The following SH3RF3 variants were observed in gnomAD, a reference collection of about 807,000 sequenced individuals.
The protein encoded by SH3RF3 is SH3 domain containing ring finger 3.
A neutral mutation model predicts 66.3 loss-of-function variants in SH3RF3; 29 were observed. That is an observed-to-expected ratio of 0.44 (90% CI 0.33 to 0.60). The LOEUF (loss-of-function observed/expected upper bound fraction) is 0.60, where lower values mean the gene tolerates loss of function less well. Among genes scored for constraint, SH3RF3 ranks in the 20% least tolerant of loss-of-function variants. SH3RF3 has a pLI of 0.04. For missense variants in SH3RF3, 1,194 were observed against 1,190.9 expected (o/e 1.00, Z -0.04); for synonymous variants, 583 against 532.0 (o/e 1.10, Z -1.32).
At chr2:109,201,009 G>A (rs1331822184) in intron 1 of SH3RF3, among the ~76,000 whole-genome samples, 1 of 152,176 alleles carries the variant, frequency 6.6e-6, no homozygotes, top group African/African-American at 2.4e-5. Context: ...AGCAGCAGCA[G>A]CTAAGTGGCT....
At chr2:109,233,096 G>A (rs992298423) in intron 1 of SH3RF3, among the ~76,000 whole-genome samples, 1 of 152,200 alleles carries the variant, frequency 6.6e-6, no homozygotes, top group Non-Finnish European at 1.5e-5. Context: ...CAGCAGTGGC[G>A]AGGGGTGTGT....
chr2:109,435,183 G>A (rs368118197), intron 6 of SH3RF3, among the ~76,000 whole-genome samples: 10 of 152,184 alleles, frequency 6.6e-5, no homozygotes, highest in Admixed American at 2.6e-4. Flanking sequence ...CGCCCGGGTC[G>A]GCTGCCCCCA....
At chr2:109,366,570 T>G (rs1683155602) in intron 2 of SH3RF3, among the ~76,000 whole-genome samples, 2 of 152,200 alleles carry the variant, frequency 1.3e-5, no homozygotes, top group Non-Finnish European at 1.5e-5. Flanking sequence ...GCTTTATGGC[T>G]GGGCATGGTG....
At chr2:109,432,864 C>T (rs1030207723) in intron 6 of SH3RF3, among the ~76,000 whole-genome samples, 193 bp downstream of exon 6, 2 of 152,256 alleles carry the variant, frequency 1.3e-5, no homozygotes, top group Non-Finnish European at 2.9e-5. Flanking sequence ...GCACTCAACT[C>T]CTTGGCTGTC....
chr2:109,154,127 T>C (rs1394148227), intron 1 of SH3RF3, among the ~76,000 whole-genome samples: 1 of 152,172 alleles, frequency 6.6e-6, no homozygotes, highest in Non-Finnish European at 1.5e-5. Context: ...TGTTTAAAAC[T>C]GGTTTCTAGA....
chr2:109,232,479 G>T (rs779600736), intron 1 of SH3RF3, among the ~76,000 whole-genome samples: 1 of 152,156 alleles, frequency 6.6e-6, no homozygotes, highest in Non-Finnish European at 1.5e-5. Context: ...CACCTGTCCC[G>T]TAGGGTGCTT....
At chr2:109,281,075 A>G (rs919766093) in intron 1 of SH3RF3, among the ~76,000 whole-genome samples, 4 of 152,226 alleles carry the variant, frequency 2.6e-5, no homozygotes, top group Admixed American at 2.0e-4. Flanking sequence ...AGGGCCAGAG[A>G]GAGAGGACTG....
At chr2:109,168,315 T>G (rs1677678477) in intron 1 of SH3RF3, among the ~76,000 whole-genome samples, 1 of 152,174 alleles carries the variant, frequency 6.6e-6, no homozygotes, top group African/African-American at 2.4e-5. Flanking sequence ...TTCTGGTCAT[T>G]TGGTGAGTGA....
chr2:109,143,661 G>A (rs570715248), intron 1 of SH3RF3, among the ~76,000 whole-genome samples: 1 of 152,200 alleles, frequency 6.6e-6, no homozygotes, highest in Admixed American at 6.5e-5. Flanking sequence ...GGCTGAGGTA[G>A]GAGGATTTCT....
chr2:109,396,123 C>T (rs957166037), intron 3 of SH3RF3, among the ~76,000 whole-genome samples: 4 of 152,174 alleles, frequency 2.6e-5, no homozygotes, highest in South Asian at 2.1e-4. Flanking sequence ...GCTGTGTCTT[C>T]CTCTATACCC....
At chr2:109,437,750 G>A (rs939658965) in intron 7 of SH3RF3, among the ~76,000 whole-genome samples, 3 of 151,850 alleles carry the variant, frequency 2.0e-5, no homozygotes, top group Admixed American at 2.0e-4. Flanking sequence ...GCCCCAGGAT[G>A]TTGTGAGATG....
intron 1 of SH3RF3, among the ~76,000 whole-genome samples, chr2:109,272,465 G>C (rs966009525): frequency 6.6e-6 from 1 of 152,230 alleles, no homozygotes; most frequent in Non-Finnish European, 1.5e-5. Context: ...TGCTTTCCTG[G>C]TGTGTGGGAC....
chr2:109,335,111 C>T (rs1351492907), intron 1 of SH3RF3, among the ~76,000 whole-genome samples: 1 of 152,230 alleles, frequency 6.6e-6, no homozygotes, highest in East Asian at 1.9e-4. Context: ...CAAAACCGAA[C>T]ATTTCGTGTT....
At position 109,160,872 on chromosome 2, in the gene SH3RF3, G is replaced by T. The variant is rs79311422; in HGVS notation, c.573+30759G>T. On this transcript the variant is annotated intron_variant, in intron 1 of 9. Transcript: ENST00000309415. ...CAGGGCCAGGAGAGGCTGCAAGGCT[G>T]CAGGTGGGCCACTGTGGCAGGAGTT... 6.6e-3 allele frequency among the ~76,000 whole-genome samples: 1,004 copies of T among 152,294 alleles called. 10 individuals are homozygous for T. The highest frequency in any genetic ancestry group is 0.023 in the African/African-American group (941 of 41,560).
chr2:109,224,279 C>T (rs1160705196), intron 1 of SH3RF3, among the ~76,000 whole-genome samples: 1 of 152,144 alleles, frequency 6.6e-6, no homozygotes, highest in East Asian at 1.9e-4. Context: ...TAAAATAAGA[C>T]TTGTTTGGTA....
chr2:109,160,978 G>T (rs1053899298), intron 1 of SH3RF3, among the ~76,000 whole-genome samples: 3 of 152,174 alleles, frequency 2.0e-5, no homozygotes, highest in Admixed American at 6.5e-5. Context: ...GGCTCAGAGA[G>T]GTGGGGGATC....
intron 1 of SH3RF3, among the ~76,000 whole-genome samples, chr2:109,138,189 G>A (rs1445398442): frequency 6.6e-6 from 1 of 152,142 alleles, no homozygotes; most frequent in Non-Finnish European, 1.5e-5. Context: ...CTAACGCCCG[G>A]CTAATTTTTT....
At chr2:109,239,320 A>G (rs920386126) in intron 1 of SH3RF3, among the ~76,000 whole-genome samples, 1 of 152,148 alleles carries the variant, frequency 6.6e-6, no homozygotes, top group Non-Finnish European at 1.5e-5. Context: ...CTAGGGGGCT[A>G]TAGGAGTATT....
intron 3 of SH3RF3, among the ~76,000 whole-genome samples, chr2:109,391,319 G>A (rs768096849): frequency 2.0e-5 from 3 of 152,216 alleles, no homozygotes; most frequent in Non-Finnish European, 4.4e-5. Flanking sequence ...ATTACAGGAC[G>A]GGGACCAGGG....
Sources: gnomAD v4.1 joint callset for allele counts (sites outside exome capture counted in the v4.1 genomes callset) on GRCh38, gnomAD v4.1.1 for gene constraint, MANE v1.5 for transcripts, NCBI Gene and HGNC (gene_info 2026-07-23, HGNC 2026-07-21) for gene names.